Variants in TUSC3 observed in about 807,000 individuals in gnomAD.
TUSC3 encodes tumor suppressor candidate 3.
Under a neutral mutation model 44.8 loss-of-function variants are expected in TUSC3, and 45 were observed. That is an observed-to-expected ratio of 1.00 (90% CI 0.79 to 1.29). TUSC3 has a LOEUF of 1.29. TUSC3 is among the 50% of genes most tolerant of loss of function. TUSC3 has a pLI of 0.00. For missense variants in TUSC3, 519 were observed against 437.9 expected (o/e 1.19, Z -1.65); for synonymous variants, 212 against 152.9 (o/e 1.39, Z -2.85).
At chr8:15,819,539 T>C in the TUSC3 span, among the ~76,000 whole-genome samples, 1 of 152,234 alleles carries the variant, frequency 6.6e-6, no homozygotes, top group Non-Finnish European at 1.5e-5. Context: ...ACTGTCCCCC[T>C]GACTTCTCAC....
At chr8:15,842,673 C>A in the TUSC3 span, among the ~76,000 whole-genome samples, 7 of 152,242 alleles carry the variant, frequency 4.6e-5, no homozygotes, top group East Asian at 1.2e-3. Context: ...AAACAGCTAC[C>A]GTTCCTGCTT....
intron 6 of TUSC3, among the ~76,000 whole-genome samples, chr8:15,675,657 C>T (rs1468778921): frequency 1.3e-5 from 2 of 151,984 alleles, no homozygotes; most frequent in Admixed American, 6.6e-5. Context: ...CATGTTTATC[C>T]AATGTTTAGC....
At chr8:15,555,116 G>C (rs1159359424) in intron 1 of TUSC3, among the ~76,000 whole-genome samples, 1 of 146,306 alleles carries the variant, frequency 6.8e-6, no homozygotes, top group African/African-American at 2.5e-5. Flanking sequence ...TAGGTACGTA[G>C]GTGACAATAT....
chr8:15,595,801 G>C (rs951862700), intron 1 of TUSC3, among the ~76,000 whole-genome samples: 4 of 152,076 alleles, frequency 2.6e-5, no homozygotes, highest in African/African-American at 9.7e-5. Flanking sequence ...ATTCTACTAT[G>C]TGTGTGGAAA....
At chr8:15,497,662 A>T (rs1800901306) in intron 2 of TUSC3, among the ~76,000 whole-genome samples, 1 of 152,174 alleles carries the variant, frequency 6.6e-6, no homozygotes, top group African/African-American at 2.4e-5. Flanking sequence ...GAGGACAGGT[A>T]GATTGTGTAA....
intron 1 of TUSC3, among the ~76,000 whole-genome samples, chr8:15,462,771 G>A (rs1056807717): frequency 6.6e-6 from 1 of 151,998 alleles, no homozygotes; most frequent in Admixed American, 6.6e-5. Context: ...AGCTGTTAAA[G>A]CTTTTGCTTC....
At chr8:15,501,051 C>G (rs1800957530) in intron 2 of TUSC3, among the ~76,000 whole-genome samples, 1 of 151,492 alleles carries the variant, frequency 6.6e-6, no homozygotes, top group Non-Finnish European at 1.5e-5. Flanking sequence ...CTTGACCCAC[C>G]CAAGTCTAAG....
chr8:15,526,103 G>C (rs530332365), intron 2 of TUSC3, among the ~76,000 whole-genome samples: 4 of 152,016 alleles, frequency 2.6e-5, no homozygotes, highest in Non-Finnish European at 5.9e-5. Flanking sequence ...CACCATCTCG[G>C]CTCACTGCAA....
intron 1 of TUSC3, among the ~76,000 whole-genome samples, chr8:15,480,915 A>G (rs886408293): frequency 2.0e-5 from 3 of 152,298 alleles, no homozygotes; most frequent in East Asian, 3.9e-4. Flanking sequence ...TTCCCCAAAT[A>G]GCATGGATTG....
intron 1 of TUSC3, among the ~76,000 whole-genome samples, chr8:15,461,734 T>C (rs1047479902): frequency 6.7e-6 from 1 of 150,118 alleles, no homozygotes; most frequent in Non-Finnish European, 1.5e-5. Context: ...CTAAGAGTTT[T>C]AATCATAAAG....
chr8:15,632,749 T>C (rs1474738640), intron 2 of TUSC3, among the ~76,000 whole-genome samples: 2 of 152,214 alleles, frequency 1.3e-5, no homozygotes, highest in African/African-American at 4.8e-5. Context: ...CACTTACCTT[T>C]TGTTTTGAGT....
At chr8:15,657,808 C>T (rs950317241) in intron 3 of TUSC3, among the ~76,000 whole-genome samples, 8 of 152,186 alleles carry the variant, frequency 5.3e-5, no homozygotes, top group East Asian at 1.9e-4. Flanking sequence ...TTTTGGGCTG[C>T]TGTAACGGAA....
chr8:15,798,506 G>A, the TUSC3 span, among the ~76,000 whole-genome samples: 1 of 151,980 alleles, frequency 6.6e-6, no homozygotes, highest in Non-Finnish European at 1.5e-5. Context: ...TAGAGAAAGA[G>A]TGAAGGATAG....
At chr8:15,583,782 G>A (rs2129147802) in intron 1 of TUSC3, among the ~76,000 whole-genome samples, 1 of 152,076 alleles carries the variant, frequency 6.6e-6, no homozygotes, top group Non-Finnish European at 1.5e-5. Context: ...AGCAAGTATT[G>A]GAAGAGTACA....
At chr8:15,688,296 C>T (rs1411374423) in intron 6 of TUSC3, among the ~76,000 whole-genome samples, 2 of 152,124 alleles carry the variant, frequency 1.3e-5, no homozygotes, top group Non-Finnish European at 2.9e-5. Flanking sequence ...TTCAGTAACT[C>T]AGAAAAATTG....
chr8:15,531,835 A>G (rs955768160), intron 2 of TUSC3, among the ~76,000 whole-genome samples: 3 of 152,200 alleles, frequency 2.0e-5, no homozygotes, highest in Non-Finnish European at 4.4e-5. Flanking sequence ...TCCTAGAGAT[A>G]ATCTGGAATT....
chr8:15,493,550 A>G (rs979310018), intron 2 of TUSC3, among the ~76,000 whole-genome samples: 3 of 152,198 alleles, frequency 2.0e-5, no homozygotes, highest in Non-Finnish European at 4.4e-5. Context: ...GGTGTGAGCT[A>G]CTGAGCCCAG....
chr8:15,758,623 A>C (rs974792439), intron 10 of TUSC3, among the ~76,000 whole-genome samples: 2 of 152,100 alleles, frequency 1.3e-5, no homozygotes, highest in African/African-American at 4.8e-5. Flanking sequence ...CACTGAACGT[A>C]GGGAAGGAAT....
At chr8:15,778,601 C>T in the TUSC3 span, among the ~76,000 whole-genome samples, 1 of 152,174 alleles carries the variant, frequency 6.6e-6, no homozygotes, top group Non-Finnish European at 1.5e-5. Flanking sequence ...CCTTTCTCTT[C>T]CAAGTAGGCA....
Sources: gnomAD v4.1 joint callset for allele counts (sites outside exome capture counted in the v4.1 genomes callset) on GRCh38, gnomAD v4.1.1 for gene constraint, MANE v1.5 for transcripts, NCBI Gene and HGNC (gene_info 2026-07-23, HGNC 2026-07-21) for gene names.